CMYA5: variants seen among roughly 807,000 people sequenced by gnomAD.
CMYA5 encodes the protein cardiomyopathy associated 5.
Under a neutral mutation model 318.9 loss-of-function variants are expected in CMYA5, and 246 were observed. That is an observed-to-expected ratio of 0.77 (90% CI 0.70 to 0.86). CMYA5 has a LOEUF of 0.86. CMYA5 is among the 40% of genes least tolerant of loss of function. The pLI, the probability that CMYA5 is intolerant of heterozygous loss-of-function variation, is 0.00. For synonymous variants in CMYA5, 1,641 were observed against 1,729.5 expected (o/e 0.95, Z 1.27); for missense variants, 4,589 against 4,678.2 (o/e 0.98, Z 0.56).
intron 9 of CMYA5, among the ~76,000 whole-genome samples, chr5:79,769,409 C>G (rs1828814989): frequency 6.6e-6 from 1 of 152,030 alleles, no homozygotes; most frequent in South Asian, 2.1e-4. Flanking sequence ...CCTTTTTGCA[C>G]TGGTTTTTCC....
rs143596352 is a variant in CMYA5, at chr5:79,713,781, G to A, written c.150-15134G>A. On this transcript the variant is annotated intron_variant, in intron 1 of 12. Transcript: ENST00000446378. The stretch of plus-strand genomic sequence containing the variant: ...ACTACTACGTAGATACTTCCTACTT[G>A]GAATAAATGGAGTTTATGCATGCGG... 6.1e-3 allele frequency among the ~76,000 whole-genome samples: 935 copies of A among 152,090 alleles called. 7 individuals carry two copies. Among genetic ancestry groups the A allele is most frequent in the African/African-American group, 0.021 (879 of 41,452 alleles).
chr5:79,719,229 T>C (rs1179586976), intron 1 of CMYA5, among the ~76,000 whole-genome samples: 1 of 152,242 alleles, frequency 6.6e-6, no homozygotes. Context: ...GTTCAATTTG[T>C]ACATATATGT....
At chr5:79,772,248 G>C (rs777064160) in intron 9 of CMYA5, among the ~76,000 whole-genome samples, 11 of 152,118 alleles carry the variant, frequency 7.2e-5, no homozygotes, top group Non-Finnish European at 1.2e-4. Context: ...TCTTGTTGCA[G>C]GCAAGCATAT....
chr5:79,768,222 C>T (rs1828789851), intron 9 of CMYA5, among the ~76,000 whole-genome samples: 2 of 152,044 alleles, frequency 1.3e-5, no homozygotes, highest in Non-Finnish European at 2.9e-5. Context: ...CTCCTGAATA[C>T]AGCACACCAG....
intron 1 of CMYA5, among the ~76,000 whole-genome samples, chr5:79,706,780 T>G (rs1214485293): frequency 6.6e-6 from 1 of 152,194 alleles, no homozygotes; most frequent in Non-Finnish European, 1.5e-5. Flanking sequence ...CCTGGCATTG[T>G]CTTTACACAG....
intron 1 of CMYA5, among the ~76,000 whole-genome samples, chr5:79,714,069 T>A (rs562695690): frequency 7.2e-5 from 11 of 152,250 alleles, no homozygotes; most frequent in Non-Finnish European, 1.2e-4. Flanking sequence ...TGCTTGGAGG[T>A]TGGAGTAGCA....
chr5:79,765,241 A>G (rs1351835163), intron 9 of CMYA5, among the ~76,000 whole-genome samples: 1 of 152,220 alleles, frequency 6.6e-6, no homozygotes, highest in African/African-American at 2.4e-5. Flanking sequence ...TTTATTCAAT[A>G]GGGAATCCTT....
intron 9 of CMYA5, among the ~76,000 whole-genome samples, chr5:79,766,243 C>T (rs553702198): frequency 8.1e-4 from 123 of 152,204 alleles, no homozygotes; most frequent in Non-Finnish European, 1.2e-3. Flanking sequence ...GGATTACAGG[C>T]GCATGCCACC....
Position 79,754,472 on chromosome 5 carries a change from A to G in CMYA5, c.11110+1678A>G, listed in dbSNP as rs186633008. On this transcript the variant is annotated intron_variant, in intron 6 of 12. Transcript: ENST00000446378. Reference sequence around the variant, plus strand: ...GTGAGGAAAGGTGAGGAAAGAGAGGAACAGAAAAATGTTCTATTTTCAAGA... The same window carrying G: ...GTGAGGAAAGGTGAGGAAAGAGAGGGACAGAAAAATGTTCTATTTTCAAGA... 3.3e-5 allele frequency among the ~76,000 whole-genome samples: 5 copies of G among 152,268 alleles called. No individual in the cohort carries two copies. The East Asian group carries it at 9.7e-4, about 29-fold the overall frequency.
intron 7 of CMYA5, among the ~76,000 whole-genome samples, chr5:79,760,179 C>T (rs1487412216): frequency 1.5e-5 from 2 of 133,348 alleles, no homozygotes; most frequent in Non-Finnish European, 1.6e-5. Context: ...ATAGTTGTTG[C>T]TTGGCCTGCT....
intron 1 of CMYA5, 52 bp downstream of exon 1, chr5:79,690,108 C>T: frequency 1.4e-6 from 2 of 1,381,568 alleles, no homozygotes; most frequent in Non-Finnish European, 1.9e-6. Flanking sequence ...GCTAGCAGCA[C>T]CCTTGCTTGT....
intron 12 of CMYA5, among the ~76,000 whole-genome samples, chr5:79,797,308 T>A (rs1469672591): frequency 6.6e-6 from 1 of 152,198 alleles, no homozygotes; most frequent in African/African-American, 2.4e-5. Flanking sequence ...GACCCAAGAC[T>A]CTTCTACTAA....
intron 1 of CMYA5, among the ~76,000 whole-genome samples, chr5:79,719,804 T>G (rs1827586254): frequency 6.6e-6 from 1 of 152,162 alleles, no homozygotes; most frequent in Non-Finnish European, 1.5e-5. Flanking sequence ...GAAGGGCTTA[T>G]GTAGAAGAAT....
At chr5:79,784,884 C>T (rs944302431) in intron 9 of CMYA5, among the ~76,000 whole-genome samples, 1 of 151,934 alleles carries the variant, frequency 6.6e-6, no homozygotes, top group Non-Finnish European at 1.5e-5. Context: ...TCTTCTGCGT[C>T]GCTCACGCTG....
At position 79,735,645 on chromosome 5, in the gene CMYA5, A is replaced by G; in HGVS notation, c.6880A>G (p.Ile2294Val). Residue 2294 changes from isoleucine (I) to valine (V), a missense_variant, in exon 2 of 13, where the codon ATC becomes GTC. Around this residue, in one of 3 missense-constraint regions of CMYA5, gnomAD observed 2,431 missense variants for 2,495.1 expected, o/e 0.97. Transcript: ENST00000446378. The stretch of plus-strand genomic sequence containing the variant: ...TAGGGAAGATTATGGAAAAAAAGAA[A>G]TCTCAGGCGATTCAGAGGAAATGAA... Reference protein sequence around the residue: ...VSREDYGKKEISGDSEEMNIN... With the variant: ...VSREDYGKKEVSGDSEEMNIN... 6.2e-7 allele frequency: 1 copy of G among 1,613,488 alleles called. No individual in the cohort carries two copies. The highest frequency in any genetic ancestry group is 2.2e-5 in the East Asian group (1 of 44,866).
Position 79,765,402 on chromosome 5 carries a change from T to C in CMYA5, c.11555+2193T>C, listed in dbSNP as rs139059184. 1.0e-2 allele frequency among the ~76,000 whole-genome samples: 1,519 copies of C among 152,318 alleles called. 29 individuals are homozygous for C. The highest frequency in any genetic ancestry group is 0.035 in the African/African-American group (1,458 of 41,566). ...TTTTGGTTACTGTAGCCTTGTAGTA[T>C]AGTTTGAAGTCAGGTAGCATGATGC... On this transcript the variant is annotated intron_variant, in intron 9 of 12. Coordinates refer to ENST00000446378, the MANE Select transcript of CMYA5 (RefSeq NM_153610.5).
In CMYA5 at chr5:79,730,758, C is replaced by G; in HGVS notation, c.1993C>G (p.Gln665Glu). ...CACAACTGAGAAGACTTCAGAGAACCAGTCTCCACTGTTTTCAACAGTTAC... is the reference window on the plus strand; with the variant it reads ...CACAACTGAGAAGACTTCAGAGAACGAGTCTCCACTGTTTTCAACAGTTAC... ...PSTTEKTSEN[Q>E]SPLFSTVTPE... Residue 665 changes from glutamine (Q) to glutamate (E), a missense_variant, in exon 2 of 13, where the codon CAG becomes GAG. By Grantham distance (29) the Gln-to-Glu change is conservative. This residue lies in a region of CMYA5 where 2,132 missense variants were observed against 2,131.3 expected (regional missense o/e 1.00). Transcript: ENST00000446378. 6.2e-7 allele frequency: 1 copy of G among 1,613,860 alleles called. No homozygotes were observed.
chr5:79,698,414 G>C (rs1827114624), intron 1 of CMYA5, among the ~76,000 whole-genome samples: 1 of 152,214 alleles, frequency 6.6e-6, no homozygotes, highest in Non-Finnish European at 1.5e-5. Context: ...TACTTCACCT[G>C]TCTGTGTCTT....
intron 2 of CMYA5, among the ~76,000 whole-genome samples, chr5:79,741,542 G>A (rs1268434025): frequency 6.6e-6 from 1 of 152,138 alleles, no homozygotes; most frequent in Non-Finnish European, 1.5e-5. Context: ...TAGTTCTCCA[G>A]GGTATAGTTT....
Sources: gnomAD v4.1 joint callset for allele counts (sites outside exome capture counted in the v4.1 genomes callset) on GRCh38, gnomAD v4.1.1 for gene constraint, gnomAD v4.1.1 regional missense constraint, MANE v1.5 for transcripts, NCBI Gene and HGNC (gene_info 2026-07-23, HGNC 2026-07-21) for gene names.